OSBPL3: variants seen among roughly 807,000 people sequenced by gnomAD.
OSBPL3 encodes the protein oxysterol binding protein like 3, also known as oxysterol-binding protein-related protein 3.
A neutral mutation model predicts 120.1 loss-of-function variants in OSBPL3; 65 were observed. That is an observed-to-expected ratio of 0.54 (90% CI 0.44 to 0.67). The LOEUF is 0.67. Among genes scored for constraint, OSBPL3 ranks in the 30% least tolerant of loss-of-function variants. The probability of loss-of-function intolerance (pLI) is 0.00; values close to 1 mark genes in which losing one functional copy is unlikely to be tolerated. For synonymous variants in OSBPL3, 416 were observed against 402.6 expected (o/e 1.03, Z -0.40); for missense variants, 1,004 against 1,082.1 (o/e 0.93, Z 1.01).
At chr7:24,905,615 C>T (rs558801484) in intron 1 of OSBPL3, among the ~76,000 whole-genome samples, 2 of 152,304 alleles carry the variant, frequency 1.3e-5, no homozygotes, top group Admixed American at 6.5e-5. Flanking sequence ...GAATAAGCTC[C>T]GTAGGACATT....
In OSBPL3 at chr7:24,830,747, C is replaced by T; in HGVS notation, c.1884+21G>A. ...GACATAAGCAACCCCTCCCAACAAGCAAAAAATGGTGTACATCTACCTGTT... is the reference window on the plus strand; with the variant it reads ...GACATAAGCAACCCCTCCCAACAAGTAAAAAATGGTGTACATCTACCTGTT... On this transcript the variant is annotated intron_variant, in intron 16 of 22. Coordinates refer to ENST00000313367, the MANE Select transcript of OSBPL3 (RefSeq NM_015550.4). This position sits in a 1 kb window ranked among gnomAD's most constrained non-coding sequence, Gnocchi z 4.4. 24 of 1,586,820 alleles carry T rather than the reference C, an allele frequency of 1.5e-5. No homozygotes were observed. Among genetic ancestry groups the T allele is most frequent in the Non-Finnish European group, 2.1e-5 (24 of 1,170,580 alleles).
At chr7:24,956,846 T>C (rs1376779105) in intron 1 of OSBPL3, among the ~76,000 whole-genome samples, 1 of 152,232 alleles carries the variant, frequency 6.6e-6, no homozygotes, top group Non-Finnish European at 1.5e-5. Flanking sequence ...TTTCTTCTCA[T>C]GGAGTTCTTT....
At position 24,936,835 on chromosome 7, in the gene OSBPL3, G is replaced by A. The variant is rs1178880392; in HGVS notation, c.-150+43051C>T. Among the ~76,000 whole-genome samples, 1 of 152,164 alleles carries A rather than the reference G, an allele frequency of 6.6e-6. No individual in the cohort carries two copies. The highest frequency in any genetic ancestry group is 1.9e-4 in the East Asian group (1 of 5,204). On this transcript the variant is annotated intron_variant, in intron 1 of 22. Transcript: ENST00000313367. The surrounding 1 kb of genome is among the most constrained non-coding windows in gnomAD (Gnocchi z 4.2). Reference sequence around the variant, plus strand: ...AGGCTTTTAAACAGAGGACTAGACTGGTATCAGTATCAAAAGTGAGTTGGA... The same window carrying A: ...AGGCTTTTAAACAGAGGACTAGACTAGTATCAGTATCAAAAGTGAGTTGGA...
intron 1 of OSBPL3, among the ~76,000 whole-genome samples, chr7:24,897,803 GCAA>G (rs1806402919): frequency 6.6e-6 from 1 of 152,192 alleles, no homozygotes. Context: ...CTCCAAAAAA[GCAA>G]CATTATCTGG....
chr7:24,904,918 GGTGT>G (rs67222925), intron 1 of OSBPL3, among the ~76,000 whole-genome samples: 4,772 of 132,872 alleles, frequency 0.036, 116 homozygotes, highest in East Asian at 0.038. Flanking sequence ...ATAATATACA[GGTGT>G]GTGTGTGTGT....
chr7:24,833,724 A>G lies in OSBPL3; in HGVS notation c.1746+762T>C, dbSNP rs912094831. ...GGTCACTGAATATAAGGAAGCAAAA[A>G]GCGGTACAGACACCCACGTTCAAGA... On this transcript the variant is annotated intron_variant, in intron 15 of 22. Transcript: ENST00000313367. This position sits in a 1 kb window ranked among gnomAD's most constrained non-coding sequence, Gnocchi z 4.4. 1.3e-5 allele frequency among the ~76,000 whole-genome samples: 2 copies of G among 152,204 alleles called. No homozygotes were observed. Among genetic ancestry groups the G allele is most frequent in the African/African-American group, 4.8e-5 (2 of 41,454 alleles).
At chr7:24,869,214 A>G (rs1228466225) in intron 5 of OSBPL3, among the ~76,000 whole-genome samples, 2 of 152,238 alleles carry the variant, frequency 1.3e-5, no homozygotes, top group South Asian at 2.1e-4. Flanking sequence ...AGCATTCAAT[A>G]TATTTTCAGG....
At chr7:24,876,378 A>T (rs74443188) in intron 2 of OSBPL3, among the ~76,000 whole-genome samples, 58 of 151,670 alleles carry the variant, frequency 3.8e-4, no homozygotes, top group Non-Finnish European at 7.8e-4. Context: ...CATTATTATT[A>T]CTGTCCATTA....
At position 24,821,399 on chromosome 7, in the gene OSBPL3, G is replaced by T; in HGVS notation, c.1885-1161C>A. On this transcript the variant is annotated intron_variant, in intron 16 of 22. Transcript: ENST00000313367. This position sits in a 1 kb window ranked among gnomAD's most constrained non-coding sequence, Gnocchi z 5.5. ...TCAGACCCGTCTTATCAAGAACCCAGAATACTGAGCCCTTGCTTGAGATAA... is the reference window on the plus strand; with the variant it reads ...TCAGACCCGTCTTATCAAGAACCCATAATACTGAGCCCTTGCTTGAGATAA... Among the ~76,000 whole-genome samples the T allele has an allele frequency of 6.6e-6, 1 of 152,202 alleles. No individual in the cohort carries two copies. Among genetic ancestry groups the T allele is most frequent in the East Asian group, 1.9e-4 (1 of 5,200 alleles).
rs1047862692 is a variant in OSBPL3 at position 24,922,912 on chromosome 7, C to CA, written c.-149-30292dup. On this transcript the variant is annotated intron_variant, in intron 1 of 22. Coordinates refer to ENST00000313367, the MANE Select transcript of OSBPL3 (RefSeq NM_015550.4). The surrounding 1 kb of genome is among the most constrained non-coding windows in gnomAD (Gnocchi z 4.3). Reference sequence around the variant, plus strand: ...CTTTAGGGTCGATGCAGCAAACAAACAAAAAAGCAAGTTTGCTTACAGTTT... The same window carrying CA: ...CTTTAGGGTCGATGCAGCAAACAAACAAAAAAAGCAAGTTTGCTTACAGTTT... Among the ~76,000 whole-genome samples the CA allele has an allele frequency of 4.2e-5, 6 of 144,214 alleles. No homozygotes were observed. Among genetic ancestry groups the CA allele is most frequent in the Admixed American group, 7.1e-5 (1 of 14,082 alleles). 94.6% of individuals were successfully genotyped at this position (144,214 alleles called of 152,430 possible). A position where few individuals can be genotyped will look rare whatever the true frequency, so the allele number is the denominator to read the frequency against.
intron 16 of OSBPL3, among the ~76,000 whole-genome samples, chr7:24,826,345 C>T (rs1309160492): frequency 6.6e-6 from 1 of 152,164 alleles, no homozygotes; most frequent in East Asian, 1.9e-4. Context: ...GTCTATGACT[C>T]ACTCCTGATC....
chr7:24,886,295 G>C (rs1315129563), intron 2 of OSBPL3, among the ~76,000 whole-genome samples: 2 of 152,200 alleles, frequency 1.3e-5, no homozygotes, highest in Non-Finnish European at 2.9e-5. Context: ...AAACCGGTGA[G>C]AACAAGCATC....
rs1178289464 is a variant in OSBPL3 at position 24,873,421 on chromosome 7, C to T, written c.97-1352G>A. Among the ~76,000 whole-genome samples the T allele has an allele frequency of 6.6e-6, 1 of 152,170 alleles. No homozygotes were observed. Among genetic ancestry groups the T allele is most frequent in the Non-Finnish European group, 1.5e-5 (1 of 68,030 alleles). On this transcript the variant is annotated intron_variant, in intron 2 of 22. Coordinates refer to ENST00000313367, the MANE Select transcript of OSBPL3 (RefSeq NM_015550.4). The surrounding 1 kb of genome is among the most constrained non-coding windows in gnomAD (Gnocchi z 4.1). Reference sequence around the variant, plus strand: ...GCAACTGAATTCTTTACATAATGATCGTGATGGGTCTGCCTTCTATCTGAT... The same window carrying T: ...GCAACTGAATTCTTTACATAATGATTGTGATGGGTCTGCCTTCTATCTGAT...
At position 24,872,041 on chromosome 7, in the gene OSBPL3, C is replaced by T; in HGVS notation, c.125G>A (p.Arg42Lys). 2.5e-6 allele frequency: 4 copies of T among 1,613,506 alleles called. No individual in the cohort carries two copies. Among genetic ancestry groups the T allele is most frequent in the Non-Finnish European group, 3.4e-6 (4 of 1,179,480 alleles). The stretch of plus-strand genomic sequence containing the variant: ...CTCCTGGGTGTAATTCATCTCCCCC[C>T]TCAGTCCTTCCACCACTTCCCAGCT... ...QDSWEVVEGL[R>K]GEMNYTQEPP... Residue 42 changes from arginine (R) to lysine (K), a missense_variant, in exon 3 of 23, where the codon AGG becomes AAG. Arg to Lys is a conservative substitution (Grantham distance 26, BLOSUM62 2). This residue lies in a region of OSBPL3 where 255 missense variants were observed against 248.7 expected (regional missense o/e 1.03). Coordinates refer to ENST00000313367, the MANE Select transcript of OSBPL3 (RefSeq NM_015550.4). This position sits in a 1 kb window ranked among gnomAD's most constrained non-coding sequence, Gnocchi z 4.1.
At chr7:24,845,885 G>A (rs1798387531) in intron 12 of OSBPL3, among the ~76,000 whole-genome samples, 1 of 152,200 alleles carries the variant, frequency 6.6e-6, no homozygotes, top group African/African-American at 2.4e-5. Flanking sequence ...GGTGGGTAGT[G>A]AGTGCCTATA....
chr7:24,878,632 G>A (rs1053265314), intron 2 of OSBPL3, among the ~76,000 whole-genome samples: 1 of 152,170 alleles, frequency 6.6e-6, no homozygotes, highest in African/African-American at 2.4e-5. Flanking sequence ...CTGAGAACTG[G>A]AGTTGTTGTT....
In OSBPL3 at chr7:24,810,016, G is replaced by A. The variant is rs966492814; in HGVS notation, c.2173-65C>T. On this transcript the variant is annotated intron_variant, in intron 19 of 22. Transcript: ENST00000313367. ...CAGCTTATTACAGATATTAAGGAAA[G>A]AAAAAAGGAAAAGCTAGAGAAAGGA... 1.8e-5 allele frequency: 28 copies of A among 1,553,924 alleles called. No individual in the cohort carries two copies. The Admixed American group carries it at 2.0e-4, about 11-fold the overall frequency.
rs1329952609 is a variant in OSBPL3, at chr7:24,805,605, C to A, written c.2445-1168G>T. Among the ~76,000 whole-genome samples, 1 of 152,098 alleles carries A rather than the reference C, an allele frequency of 6.6e-6. No individual in the cohort carries two copies. Among genetic ancestry groups the A allele is most frequent in the African/African-American group, 2.4e-5 (1 of 41,412 alleles). On this transcript the variant is annotated intron_variant, in intron 21 of 22. Transcript: ENST00000313367. The surrounding 1 kb of genome is among the most constrained non-coding windows in gnomAD (Gnocchi z 4.0). ...AAAAATACTTCCCTAAAAAAGTAGACAAACTGCACGAAACAGTACAAGCAT... is the reference window on the plus strand; with the variant it reads ...AAAAATACTTCCCTAAAAAAGTAGAAAAACTGCACGAAACAGTACAAGCAT...
Position 24,833,553 on chromosome 7 carries a change from G to A in OSBPL3, c.1746+933C>T, listed in dbSNP as rs1034854301. On this transcript the variant is annotated intron_variant, in intron 15 of 22. Transcript: ENST00000313367. The surrounding 1 kb of genome is among the most constrained non-coding windows in gnomAD (Gnocchi z 4.4). ...AATAATAGCATCCTCTATCAATGGG[G>A]AGTGTCGGCAGGGCTAGGTCTGTGA... 5.3e-5 allele frequency among the ~76,000 whole-genome samples: 8 copies of A among 152,300 alleles called. No individual in the cohort carries two copies. The highest frequency in any genetic ancestry group is 7.4e-5 in the Non-Finnish European group (5 of 68,024).
Sources: gnomAD v4.1 joint callset for allele counts (sites outside exome capture counted in the v4.1 genomes callset) on GRCh38, gnomAD v4.1.1 for gene constraint, gnomAD v4.1.1 regional missense constraint, Gnocchi (gnomAD v3.1) non-coding constraint, MANE v1.5 for transcripts, NCBI Gene and HGNC (gene_info 2026-07-23, HGNC 2026-07-21) for gene names.